LPP: variants seen among roughly 807,000 people sequenced by gnomAD.
LPP encodes lipoma-preferred partner.
LPP carries 38 observed loss-of-function variants against 60.4 expected under a neutral mutation model. The ratio of observed to expected loss-of-function variants is 0.63; its 90% CI spans 0.49 to 0.83. The LOEUF (loss-of-function observed/expected upper bound fraction) is 0.83, where lower values mean the gene tolerates loss of function less well. Among genes scored for constraint, LPP ranks in the 40% least tolerant of loss-of-function variants. LPP has a pLI of 0.00. For missense variants in LPP, 902 were observed against 783.6 expected (o/e 1.15, Z -1.80); for synonymous variants, 328 against 290.8 (o/e 1.13, Z -1.30).
At chr3:188,356,786 T>G (rs1317300664) in intron 3 of LPP, among the ~76,000 whole-genome samples, 2 of 152,248 alleles carry the variant, frequency 1.3e-5, no homozygotes, top group Non-Finnish European at 2.9e-5. Flanking sequence ...ATCATTTTAG[T>G]TTTAATAAAC....
At chr3:188,698,004 C>G (rs1863637641) in intron 7 of LPP, among the ~76,000 whole-genome samples, 1 of 152,176 alleles carries the variant, frequency 6.6e-6, no homozygotes, top group African/African-American at 2.4e-5. Flanking sequence ...GCCGTGGCAA[C>G]CGAAACTCTG....
chr3:188,747,913 A>G lies in LPP; in HGVS notation c.1241-12200A>G, dbSNP rs138485199. On this transcript the variant is annotated intron_variant, in intron 8 of 11. Transcript: ENST00000617246. ...GTCTCCCTCTGAGCTCCAGTGTAAC[A>G]TCGGGTGTCAAGTATTTGTGGCCCC... Among the ~76,000 whole-genome samples the G allele has an allele frequency of 1.8e-4, 28 of 152,282 alleles. 1 individual carries two copies. In the East Asian group the frequency reaches 5.0e-3, roughly 27 times the overall value.
At chr3:188,479,322 G>T (rs912689818) in intron 4 of LPP, among the ~76,000 whole-genome samples, 1 of 152,172 alleles carries the variant, frequency 6.6e-6, no homozygotes, top group Non-Finnish European at 1.5e-5. Context: ...AGAAGCTAGA[G>T]ACATGTCACT....
intron 2 of LPP, among the ~76,000 whole-genome samples, chr3:188,310,231 TTTC>T (rs1212488077): frequency 6.6e-6 from 1 of 151,840 alleles, no homozygotes; most frequent in Non-Finnish European, 1.5e-5. Context: ...TTTTTTTTTT[TTTC>T]TTCTTCTGGA....
rs1225111257 is a variant in LPP at position 188,878,107 on chromosome 3, A to G, written c.*3628A>G. The G allele has an allele frequency of 1.4e-5, 3 of 221,212 alleles. No homozygotes were observed. Among genetic ancestry groups the G allele is most frequent in the African/African-American group, 6.7e-5 (3 of 44,620 alleles). The allele number at this position is 221,212 out of a possible 1,614,324, so 13.7% of individuals were successfully genotyped here. ...ATAGTAGAGAGTTAGTGGAATATAGACAGGACTCTGAAAACACAACTTCCA... is the reference window on the plus strand; with the variant it reads ...ATAGTAGAGAGTTAGTGGAATATAGGCAGGACTCTGAAAACACAACTTCCA... On this transcript the variant is annotated 3_prime_UTR_variant, in exon 12 of 12. Transcript: ENST00000617246.
chr3:188,521,477 C>T (rs1276767186), intron 5 of LPP, among the ~76,000 whole-genome samples: 1 of 152,130 alleles, frequency 6.6e-6, no homozygotes, highest in East Asian at 1.9e-4. Flanking sequence ...GATGTACTTT[C>T]TGCTTCAGTA....
intron 5 of LPP, among the ~76,000 whole-genome samples, chr3:188,495,142 TA>T (rs1809770172): frequency 1.5e-5 from 2 of 131,194 alleles, no homozygotes; most frequent in African/African-American, 5.5e-5. Flanking sequence ...ATTATATATT[TA>T]TATTATATTT....
chr3:188,810,217 A>G (rs544934150), intron 9 of LPP, among the ~76,000 whole-genome samples: 1 of 152,124 alleles, frequency 6.6e-6, no homozygotes, highest in Non-Finnish European at 1.5e-5. Flanking sequence ...TCTGTTACCA[A>G]TAGTATGGCA....
At chr3:188,627,864 C>CTCAA (rs1446543376) in intron 7 of LPP, among the ~76,000 whole-genome samples, 1 of 152,088 alleles carries the variant, frequency 6.6e-6, no homozygotes, top group Non-Finnish European at 1.5e-5. Context: ...CACACCCATT[C>CTCAA]ATAAAGCAAT....
At chr3:188,208,948 C>T (rs910232706) in intron 1 of LPP, among the ~76,000 whole-genome samples, 16 of 152,372 alleles carry the variant, frequency 1.1e-4, no homozygotes, top group African/African-American at 3.4e-4. Flanking sequence ...TAATCCCTTA[C>T]ACTTTTATAA....
At chr3:188,546,757 T>C (rs1234303183) in intron 6 of LPP, among the ~76,000 whole-genome samples, 2 of 152,192 alleles carry the variant, frequency 1.3e-5, no homozygotes, top group Non-Finnish European at 2.9e-5. Context: ...AATTAACTCT[T>C]CCATATTGGG....
intron 3 of LPP, among the ~76,000 whole-genome samples, chr3:188,369,067 TTCTC>T (rs1560307372): frequency 6.6e-6 from 1 of 152,060 alleles, no homozygotes; most frequent in Admixed American, 6.5e-5. Context: ...CATCATGTGA[TTCTC>T]TCTCCTCCCA....
chr3:188,556,681 A>G lies in LPP; in HGVS notation c.429+31894A>G, dbSNP rs1185439764. On this transcript the variant is annotated intron_variant, in intron 6 of 11. Transcript: ENST00000617246. Reference sequence around the variant, plus strand: ...CTCATTATGATCTAATTACTTCCACATAGTTCTCCAGATTGTGAATGCTCT... The same window carrying G: ...CTCATTATGATCTAATTACTTCCACGTAGTTCTCCAGATTGTGAATGCTCT... Among the ~76,000 whole-genome samples, 6 of 151,914 alleles carry G rather than the reference A, an allele frequency of 3.9e-5. No homozygotes were observed. In the East Asian group the frequency reaches 1.2e-3, roughly 30 times the overall value.
At chr3:188,261,375 T>A (rs932947787) in intron 2 of LPP, among the ~76,000 whole-genome samples, 4 of 151,490 alleles carry the variant, frequency 2.6e-5, no homozygotes, top group African/African-American at 7.3e-5. Context: ...CACACACACA[T>A]ACACACATGC....
At chr3:188,176,982 ATAGACT>A (rs1560084582) in intron 1 of LPP, among the ~76,000 whole-genome samples, 1 of 152,252 alleles carries the variant, frequency 6.6e-6, no homozygotes, top group African/African-American at 2.4e-5. Flanking sequence ...ATAATTTGAA[ATAGACT>A]TAGCTTAAGC....
chr3:188,415,805 AAAGAGGACGCAGC>A (rs534242219), intron 4 of LPP, among the ~76,000 whole-genome samples: 181 of 152,236 alleles, frequency 1.2e-3, no homozygotes, highest in African/African-American at 4.3e-3. Context: ...TCATTCCTAC[AAAGAGGACGCAGC>A]AAGAGTCTTT....
chr3:188,209,426 C>T (rs1219934711), intron 1 of LPP, among the ~76,000 whole-genome samples: 1 of 152,174 alleles, frequency 6.6e-6, no homozygotes, highest in Admixed American at 6.5e-5. Context: ...TTTTTTCTCT[C>T]TTTTTAGAAA....
intron 5 of LPP, among the ~76,000 whole-genome samples, chr3:188,484,981 T>C (rs78451895): frequency 6.6e-6 from 1 of 152,178 alleles, no homozygotes; most frequent in Non-Finnish European, 1.5e-5. Context: ...ATTTTTTTTT[T>C]AGGAATACTA....
intron 8 of LPP, among the ~76,000 whole-genome samples, chr3:188,729,013 C>T (rs1719439670): frequency 6.6e-6 from 1 of 152,018 alleles, no homozygotes; most frequent in Non-Finnish European, 1.5e-5. Flanking sequence ...GAGCTCTGTA[C>T]CTATGATTAT....
Sources: gnomAD v4.1 joint callset for allele counts (sites outside exome capture counted in the v4.1 genomes callset) on GRCh38, gnomAD v4.1.1 for gene constraint, MANE v1.5 for transcripts, NCBI Gene and HGNC (gene_info 2026-07-23, HGNC 2026-07-21) for gene names.